Variants in SHANK2 observed in about 807,000 individuals in gnomAD.
The protein encoded by SHANK2 is SH3 and multiple ankyrin repeat domains 2, also known as SH3 and multiple ankyrin repeat domains protein 2.
In SHANK2, 43 loss-of-function variants were observed where a neutral mutation model predicts 133.7. That is an observed-to-expected ratio of 0.32 (90% CI 0.25 to 0.41). SHANK2 has a LOEUF of 0.41. SHANK2 is among the 10% of genes least tolerant of loss of function. The pLI, the probability that SHANK2 is intolerant of heterozygous loss-of-function variation, is 1.00. For synonymous variants in SHANK2, 1,017 were observed against 952.8 expected (o/e 1.07, Z -1.24); for missense variants, 1,994 against 2,235.8 (o/e 0.89, Z 2.18).
At chr11:70,675,490 G>T (rs903344869) in intron 15 of SHANK2, among the ~76,000 whole-genome samples, 2 of 152,330 alleles carry the variant, frequency 1.3e-5, no homozygotes, top group East Asian at 1.9e-4. Flanking sequence ...GTTACTGAAC[G>T]ATAGTGATAC....
At position 70,467,948 on chromosome 11, in the gene SHANK2, A is replaced by G. The variant is rs1555147472; in HGVS notation, c.*4921T>C. On this transcript the variant is annotated 3_prime_UTR_variant, in exon 26 of 26. Transcript: ENST00000601538. The stretch of plus-strand genomic sequence containing the variant: ...CCAGAATCACGTGTAGGTGTCCTCA[A>G]CATTTCATAGCTCGAACCGTCCTTT... 1 of 152,646 alleles carries G rather than the reference A, an allele frequency of 6.6e-6. No homozygotes were observed. Among genetic ancestry groups the G allele is most frequent in the East Asian group, 1.9e-4 (1 of 5,200 alleles). The allele number at this position is 152,646 out of a possible 1,614,324, so 9.5% of individuals were successfully genotyped here. A position where few individuals can be genotyped will look rare whatever the true frequency, so the allele number is the denominator to read the frequency against.
At chr11:70,796,952 G>C (rs1947927132) in intron 14 of SHANK2, among the ~76,000 whole-genome samples, 1 of 152,188 alleles carries the variant, frequency 6.6e-6, no homozygotes, top group African/African-American at 2.4e-5. Flanking sequence ...AACCGTAAAA[G>C]GACAGAAAGG....
chr11:70,931,882 A>T (rs1378614429), intron 10 of SHANK2, among the ~76,000 whole-genome samples: 2 of 152,246 alleles, frequency 1.3e-5, no homozygotes, highest in Non-Finnish European at 2.9e-5. Flanking sequence ...AATGTTTTTT[A>T]TAAAGAAAGA....
intron 14 of SHANK2, among the ~76,000 whole-genome samples, chr11:70,698,979 G>A (rs781842188): frequency 3.2e-4 from 49 of 152,144 alleles, no homozygotes; most frequent in Non-Finnish European, 6.3e-4. Flanking sequence ...GGCTACTGAA[G>A]AGTCAGGAGC....
At chr11:70,945,274 G>A (rs1950706652) in intron 10 of SHANK2, among the ~76,000 whole-genome samples, 1 of 152,132 alleles carries the variant, frequency 6.6e-6, no homozygotes, top group Admixed American at 6.5e-5. Context: ...AAAGGCCCTG[G>A]GGTGAGCATG....
At chr11:71,082,253 C>A (rs1397706008) in intron 8 of SHANK2, among the ~76,000 whole-genome samples, 1 of 152,194 alleles carries the variant, frequency 6.6e-6, no homozygotes, top group Non-Finnish European at 1.5e-5. Context: ...TGCTACCTGG[C>A]ATTGTGCTTA....
intron 14 of SHANK2, among the ~76,000 whole-genome samples, chr11:70,747,896 C>CA (rs1295029577): frequency 2.0e-5 from 3 of 152,154 alleles, no homozygotes; most frequent in Non-Finnish European, 4.4e-5. Flanking sequence ...ACATATAGCA[C>CA]ACACATGAGC....
At chr11:70,497,022 C>G (rs1555157296) in intron 21 of SHANK2, 2 of 456,662 alleles carry the variant, frequency 4.4e-6, no homozygotes, top group South Asian at 3.1e-5. Context: ...AACAAATGTT[C>G]TTTTGAACTA....
Position 70,490,324 on chromosome 11 carries a change from G to A in SHANK2, c.2503C>T (p.Pro835Ser). Residue 835 changes from proline (P) to serine (S), a missense_variant, in exon 23 of 26, where the codon CCG becomes TCG. Physicochemically the swap from Pro to Ser is moderately conservative, Grantham distance 74 (BLOSUM62 -1). Around this residue, in one of 5 missense-constraint regions of SHANK2, gnomAD observed 488 missense variants for 642.6 expected, o/e 0.76. Transcript: ENST00000601538. ...GTACCTCGAGGGATGCCCAGAAACGGGGCTTTTGGGCTCCCAGGAACAGTG... is the reference window on the plus strand; with the variant it reads ...GTACCTCGAGGGATGCCCAGAAACGAGGCTTTTGGGCTCCCAGGAACAGTG... Reference protein sequence around the residue: ...TPTVPGSPKAPFLGIPRGTMR... With the variant: ...TPTVPGSPKASFLGIPRGTMR... 6.2e-7 allele frequency: 1 copy of A among 1,614,204 alleles called. No individual in the cohort carries two copies. The highest frequency in any genetic ancestry group is 8.5e-7 in the Non-Finnish European group (1 of 1,180,026).
intron 10 of SHANK2, among the ~76,000 whole-genome samples, chr11:70,947,979 A>C (rs1201546883): frequency 2.0e-5 from 3 of 147,980 alleles, no homozygotes; most frequent in African/African-American, 2.5e-5. Flanking sequence ...GCACCATCCC[A>C]CCCCCACCTC....
At chr11:70,700,203 A>C (rs1323723410) in intron 14 of SHANK2, among the ~76,000 whole-genome samples, 1 of 151,732 alleles carries the variant, frequency 6.6e-6, no homozygotes, top group East Asian at 1.9e-4. Flanking sequence ...ACACAACAGG[A>C]CTCCCCAAAC....
chr11:71,073,084 T>TGGG (rs1314687770), intron 9 of SHANK2, among the ~76,000 whole-genome samples: 1 of 151,820 alleles, frequency 6.6e-6, no homozygotes, highest in Admixed American at 6.6e-5. Flanking sequence ...AAAAGCACAT[T>TGGG]GGGGCGTATC....
At chr11:70,934,852 C>A (rs1306981512) in intron 10 of SHANK2, among the ~76,000 whole-genome samples, 1 of 152,066 alleles carries the variant, frequency 6.6e-6, no homozygotes, top group Non-Finnish European at 1.5e-5. Context: ...ATGTCCTGTC[C>A]CCAGGTTTTC....
In SHANK2 at chr11:71,159,971, GAA is replaced by G. The variant is rs34199845; in HGVS notation, c.-12-12635_-12-12634del. Among the ~76,000 whole-genome samples the G allele has an allele frequency of 5.0e-3, 567 of 114,054 alleles. 7 individuals carry two copies. The highest frequency in any genetic ancestry group is 0.017 in the African/African-American group (534 of 31,168). The allele number at this position is 114,054 out of a possible 152,430, so 74.8% of individuals were successfully genotyped here. ...CACTGCACTCCAGCCTGGGTGGCAG[GAA>G]AAAAAAAAAAAAAAAAAGACACCTG... On this transcript the variant is annotated intron_variant, in intron 2 of 25. Transcript: ENST00000601538.
chr11:70,492,734 C>A (rs1555156230), intron 21 of SHANK2, among the ~76,000 whole-genome samples: 1 of 152,218 alleles, frequency 6.6e-6, no homozygotes. Flanking sequence ...GTGCCCAGCC[C>A]CCAAGGGCTC....
At chr11:70,890,841 G>A (rs1555074533) in intron 11 of SHANK2, among the ~76,000 whole-genome samples, 2 of 151,456 alleles carry the variant, frequency 1.3e-5, no homozygotes, top group Non-Finnish European at 2.9e-5. Context: ...GCAGGCGCCT[G>A]TAATCACAGC....
intron 1 of SHANK2, among the ~76,000 whole-genome samples, chr11:71,244,459 C>T (rs1337598537): frequency 3.3e-5 from 5 of 152,248 alleles, no homozygotes; most frequent in East Asian, 1.9e-4. Context: ...AGGCTCTCAG[C>T]GTGCAGCCCC....
chr11:70,639,416 G>A (rs1305358707), intron 17 of SHANK2, among the ~76,000 whole-genome samples: 2 of 152,122 alleles, frequency 1.3e-5, no homozygotes, highest in Non-Finnish European at 2.9e-5. Flanking sequence ...GGGCAGAAGG[G>A]GCAAAGGGGC....
intron 10 of SHANK2, chr11:70,943,162 ACAT>A: frequency 2.2e-6 from 1 of 448,424 alleles, no homozygotes; most frequent in Admixed American, 2.4e-5. Flanking sequence ...GAGAGACATC[ACAT>A]CATTGAGAAG....
Sources: gnomAD v4.1 joint callset for allele counts (sites outside exome capture counted in the v4.1 genomes callset) on GRCh38, gnomAD v4.1.1 for gene constraint, gnomAD v4.1.1 regional missense constraint, MANE v1.5 for transcripts, NCBI Gene and HGNC (gene_info 2026-07-23, HGNC 2026-07-21) for gene names.